The following HEG1 variants were observed in gnomAD, a reference collection of about 807,000 sequenced individuals.
The protein encoded by HEG1 is heart development protein with EGF like domains 1, also known as protein HEG homolog 1.
Under a neutral mutation model 125.6 loss-of-function variants are expected in HEG1, and 56 were observed. The observed-to-expected ratio is 0.45, with a 90% CI of 0.36 to 0.56. The LOEUF is 0.56. HEG1 is among the 20% of genes least tolerant of loss of function. The pLI is 0.00. For synonymous variants in HEG1, 644 were observed against 668.5 expected, an observed-to-expected ratio of 0.96 and a Z score of 0.57; for missense variants, 1,523 against 1,670.0, an observed-to-expected ratio of 0.91 and a Z score of 1.53.
chr3:124,981,064 C>G (rs11713566), intron 14 of HEG1, among the ~76,000 whole-genome samples: 13,559 of 151,546 alleles, frequency 0.089, 894 homozygotes, highest in African/African-American at 0.18. Flanking sequence ...GTCTTGAACT[C>G]CTGGCCCCAA....
intron 1 of HEG1, among the ~76,000 whole-genome samples, chr3:125,034,722 C>T (rs866986099): frequency 2.0e-5 from 3 of 152,072 alleles, no homozygotes; most frequent in Non-Finnish European, 2.9e-5. Context: ...ATTGCTTGAG[C>T]CCGAGACATG....
chr3:125,029,596 T>A, intron 1 of HEG1, 108 bp from the exon 2 acceptor site: 1 of 1,173,824 alleles, frequency 8.5e-7, no homozygotes, highest in Non-Finnish European at 1.2e-6. Context: ...TGAATTCAAG[T>A]AAAAGAATTT....
At chr3:125,021,617 G>T (rs1937336791) in intron 3 of HEG1, among the ~76,000 whole-genome samples, 2 of 152,226 alleles carry the variant, frequency 1.3e-5, no homozygotes, top group Non-Finnish European at 2.9e-5. Context: ...CACTGTTGAG[G>T]AGGCCGAGGG....
At chr3:125,004,495 T>C (rs1373632104) in intron 9 of HEG1, among the ~76,000 whole-genome samples, 1 of 152,082 alleles carries the variant, frequency 6.6e-6, no homozygotes, top group African/African-American at 2.4e-5. Flanking sequence ...TTTGGGGGGT[T>C]TCTTTTGTTT....
intron 16 of HEG1, chr3:124,971,008 T>G: frequency 1.6e-6 from 1 of 627,448 alleles, no homozygotes; most frequent in East Asian, 3.0e-5. Flanking sequence ...CCAGCAACCA[T>G]GCAGAAGGCA....
rs1937915472 is a variant in HEG1 at position 125,055,537 on chromosome 3, C to T, written c.316+38G>A. ...CCGGGGCGCGCCCACGCCCCCAGCA[C>T]AGACTGGCCAGGCGCCAGGTTCCCG... On this transcript the variant is annotated intron_variant, in intron 1 of 16. Coordinates refer to ENST00000311127, the MANE Select transcript of HEG1 (RefSeq NM_020733.2). The T allele has an allele frequency of 1.3e-5, 15 of 1,179,332 alleles. No homozygotes were observed. In the South Asian group the frequency reaches 4.3e-4, roughly 34 times the overall value. The allele number at this position is 1,179,332 out of a possible 1,614,324, so 73.1% of individuals were successfully genotyped here. A position where few individuals can be genotyped will look rare whatever the true frequency, so the allele number is the denominator to read the frequency against.
intron 1 of HEG1, among the ~76,000 whole-genome samples, chr3:125,036,858 A>T (rs1251793465): frequency 6.6e-6 from 1 of 152,226 alleles, no homozygotes; most frequent in Non-Finnish European, 1.5e-5. Flanking sequence ...TAAAAATACA[A>T]TTAACACAGT....
chr3:125,053,541 G>A (rs1937862522), intron 1 of HEG1, among the ~76,000 whole-genome samples: 1 of 152,192 alleles, frequency 6.6e-6, no homozygotes, highest in Non-Finnish European at 1.5e-5. Context: ...AGCCACTGAA[G>A]AGGAGGCACT....
At position 125,022,396 on chromosome 3, in the gene HEG1, CGAGAGAGA is replaced by C. The variant is rs10565452; in HGVS notation, c.914-1274_914-1267del. Among the ~76,000 whole-genome samples, 4 of 142,730 alleles carry C rather than the reference CGAGAGAGA, an allele frequency of 2.8e-5. No individual in the cohort carries two copies. In the East Asian group the frequency reaches 6.3e-4, roughly 22 times the overall value. 93.6% of individuals were successfully genotyped at this position (142,730 alleles called of 152,430 possible). A position where few individuals can be genotyped will look rare whatever the true frequency, so the allele number is the denominator to read the frequency against. On this transcript the variant is annotated intron_variant, in intron 3 of 16. Transcript: ENST00000311127. The stretch of plus-strand genomic sequence containing the variant: ...AAATAAATTTTAAGTATCACTACAG[CGAGAGAGA>C]GAGAGAGAGAGAGAGAGAGAGCATG...
intron 7 of HEG1, 83 bp from the exon 8 acceptor site, chr3:125,009,907 G>A (rs1937126633): frequency 3.6e-6 from 5 of 1,392,464 alleles, no homozygotes; most frequent in South Asian, 2.9e-5. Context: ...ACTTACTAAG[G>A]GCCAAATGGT....
chr3:125,004,886 T>C lies in HEG1; in HGVS notation c.3297+379A>G, dbSNP rs1167559747. On this transcript the variant is annotated intron_variant, in intron 9 of 16. Transcript: ENST00000311127. ...AGTATCATTTCCCTAAGTTCCAAAA[T>C]ACAAGAGGAAAGTCACACAGCCTGT... Among the ~76,000 whole-genome samples the C allele has an allele frequency of 2.6e-5, 4 of 152,136 alleles. No homozygotes were observed. In the South Asian group the frequency reaches 8.3e-4, roughly 31 times the overall value.
chr3:124,978,506 C>A (rs1936588146), intron 14 of HEG1, among the ~76,000 whole-genome samples: 1 of 152,082 alleles, frequency 6.6e-6, no homozygotes, highest in South Asian at 2.1e-4. Context: ...TACCTGTGCA[C>A]CAGCCCCGAT....
rs550718460 is a variant in HEG1, at chr3:124,969,545, A to G, written c.*1107T>C. 73 of 152,356 alleles carry G rather than the reference A, an allele frequency of 4.8e-4. No homozygotes were observed. The highest frequency in any genetic ancestry group is 1.8e-3 in the African/African-American group (73 of 41,578). 9.4% of individuals were successfully genotyped at this position (152,356 alleles called of 1,614,324 possible). ...TTTGTGGACATGAGATTCTGGGTAC[A>G]AAGTGCTGCAGTAGCCGGTGAGCAA... is the stretch of plus-strand genomic sequence containing the variant. On this transcript the variant is annotated 3_prime_UTR_variant, in exon 17 of 17. Coordinates refer to ENST00000311127, the MANE Select transcript of HEG1 (RefSeq NM_020733.2).
chr3:124,972,776 A>G (rs532971250), intron 16 of HEG1, among the ~76,000 whole-genome samples: 1 of 152,320 alleles, frequency 6.6e-6, no homozygotes, highest in East Asian at 1.9e-4. Flanking sequence ...TGGGCAGTTT[A>G]CAGGAATATG....
At position 125,021,130 on chromosome 3, in the gene HEG1, G is replaced by T; in HGVS notation, c.914C>A (p.Ser305Tyr). Residue 305 changes from serine (S) to tyrosine (Y), a missense_variant and splice_region_variant, in exon 4 of 17, where the codon TCT becomes TAT. By Grantham distance (144) the Ser-to-Tyr change is moderately radical (BLOSUM62 -2). Transcript: ENST00000311127. ...ASSPLLDLSS[S>Y]SESTEKLNNS... is the part of the protein sequence containing the mutation. ...GTTAAGCTTCTCTGTACTTTCAGAA[G>T]CTACAATGGAAAAAGATATGCTTCA... The T allele has an allele frequency of 6.5e-7, 1 of 1,544,212 alleles. No individual in the cohort carries two copies. The highest frequency in any genetic ancestry group is 8.8e-7 in the Non-Finnish European group (1 of 1,140,264).
At chr3:124,993,243 C>T (rs1255791709) in intron 12 of HEG1, among the ~76,000 whole-genome samples, 1 of 152,222 alleles carries the variant, frequency 6.6e-6, no homozygotes, top group Admixed American at 6.5e-5. Flanking sequence ...CTGGCCTCAA[C>T]AAAACAGTCC....
chr3:125,024,706 G>C (rs903841975), intron 3 of HEG1, among the ~76,000 whole-genome samples: 2 of 152,206 alleles, frequency 1.3e-5, no homozygotes, highest in African/African-American at 4.8e-5. Context: ...TCCCAGCCTC[G>C]GAAGAGGTTA....
intron 9 of HEG1, among the ~76,000 whole-genome samples, chr3:125,003,775 T>C (rs56020154): frequency 6.6e-6 from 1 of 152,210 alleles, no homozygotes; most frequent in Admixed American, 6.5e-5. Flanking sequence ...GAGTTAACAC[T>C]GTGCATGACT....
intron 1 of HEG1, among the ~76,000 whole-genome samples, chr3:125,044,190 T>A (rs1450489745): frequency 2.0e-5 from 3 of 152,180 alleles, no homozygotes; most frequent in Non-Finnish European, 2.9e-5. Context: ...GGGGAGAAGC[T>A]AAAATCTAGT....
Sources: allele counts gnomAD v4.1 joint callset (sites outside exome capture counted in the v4.1 genomes callset), GRCh38; gene constraint gnomAD v4.1.1; transcripts MANE v1.5; gene names NCBI Gene and HGNC (gene_info 2026-07-23, HGNC 2026-07-21).